DNAJC12: variants seen among roughly 807,000 people sequenced by gnomAD.
The protein encoded by DNAJC12 is DnaJ heat shock protein family (Hsp40) member C12.
In DNAJC12, 25 loss-of-function variants were observed where a neutral mutation model predicts 28.5. That is an observed-to-expected ratio of 0.88 (90% CI 0.64 to 1.22). DNAJC12 has a LOEUF of 1.22. Among genes scored for constraint, DNAJC12 ranks in the 50% most tolerant of loss-of-function variants. The pLI, the probability that DNAJC12 is intolerant of heterozygous loss-of-function variation, is 0.00. For missense variants in DNAJC12, 222 were observed against 231.7 expected, an observed-to-expected ratio of 0.96 and a Z score of 0.27; for synonymous variants, 77 against 80.6, an observed-to-expected ratio of 0.95 and a Z score of 0.24.
intron 1 of DNAJC12, chr10:67,825,650 C>CATTAATTAATGAA: frequency 5.5e-4 from 1 of 1,804 alleles, no homozygotes; most frequent in Non-Finnish European, 7.4e-3. Flanking sequence ...ATTTACTAAC[C>CATTAATTAATGAA]ACTAATTATC....
intron 1 of DNAJC12, chr10:67,834,142 G>T (rs1343483120): frequency 1.5e-5 from 6 of 396,770 alleles, no homozygotes; most frequent in African/African-American, 6.4e-5. Context: ...TGAGTACCAA[G>T]CTTTTATAAT....
intron 4 of DNAJC12, among the ~76,000 whole-genome samples, chr10:67,798,417 C>T (rs1443159629): frequency 6.6e-6 from 1 of 152,060 alleles, no homozygotes; most frequent in Non-Finnish European, 1.5e-5. Context: ...TGGTGGCTCA[C>T]GCTTGTAATC....
At chr10:67,798,317 G>C (rs1274766862) in intron 4 of DNAJC12, among the ~76,000 whole-genome samples, 1 of 151,986 alleles carries the variant, frequency 6.6e-6, no homozygotes, top group Non-Finnish European at 1.5e-5. Context: ...TAACAAAACT[G>C]TTTATATAGT....
intron 4 of DNAJC12, 93 bp downstream of exon 4, chr10:67,805,490 G>A: frequency 7.5e-7 from 1 of 1,327,998 alleles, no homozygotes; most frequent in Non-Finnish European, 1.0e-6. Context: ...TGGCACTGCT[G>A]TGCAGATTGA....
At chr10:67,799,176 G>C (rs922071026) in intron 4 of DNAJC12, among the ~76,000 whole-genome samples, 1 of 151,946 alleles carries the variant, frequency 6.6e-6, no homozygotes, top group Non-Finnish European at 1.5e-5. Flanking sequence ...TGAAAAAGCA[G>C]GTTACAGAAT....
chr10:67,815,522 A>AAG (rs1554884537), intron 2 of DNAJC12, among the ~76,000 whole-genome samples: 3 of 151,010 alleles, frequency 2.0e-5, no homozygotes, highest in Non-Finnish European at 4.4e-5. Context: ...AAAAAAAAAA[A>AAG]AAAAAGAAAA....
chr10:67,828,410 G>T (rs373797361), intron 1 of DNAJC12, among the ~76,000 whole-genome samples: 15 of 152,146 alleles, frequency 9.9e-5, no homozygotes, highest in South Asian at 6.2e-4. Context: ...TACAATCAAA[G>T]TCAGGCTGTA....
At chr10:67,802,361 T>C (rs1841755674) in intron 4 of DNAJC12, among the ~76,000 whole-genome samples, 1 of 152,198 alleles carries the variant, frequency 6.6e-6, no homozygotes, top group African/African-American at 2.4e-5. Flanking sequence ...TACCCAAGAA[T>C]TCTATCACAA....
chr10:67,816,081 G>T (rs962447448), intron 2 of DNAJC12: 5 of 398,330 alleles, frequency 1.3e-5, no homozygotes, highest in African/African-American at 6.2e-5. Context: ...GCTTATAGGA[G>T]CAAATGATGC....
At chr10:67,797,509 A>C (rs1475159938) in intron 4 of DNAJC12, among the ~76,000 whole-genome samples, 2 of 150,898 alleles carry the variant, frequency 1.3e-5, no homozygotes, top group South Asian at 4.2e-4. Flanking sequence ...AAGAAATTTG[A>C]AACAAATTAC....
intron 1 of DNAJC12, among the ~76,000 whole-genome samples, chr10:67,824,394 T>C (rs1842010106): frequency 6.6e-6 from 1 of 152,088 alleles, no homozygotes; most frequent in East Asian, 1.9e-4. Flanking sequence ...TTATCTATTA[T>C]AAAGCTCCTT....
chr10:67,815,130 G>C (rs2131800166), intron 2 of DNAJC12, among the ~76,000 whole-genome samples: 1 of 152,238 alleles, frequency 6.6e-6, no homozygotes, highest in South Asian at 2.1e-4. Context: ...ACAAAATGTG[G>C]TATATCCACC....
At chr10:67,825,177 C>T (rs1417958724) in intron 1 of DNAJC12, 1 of 152,212 alleles carries the variant, frequency 6.6e-6, no homozygotes, top group East Asian at 1.9e-4. Flanking sequence ...ATAATAAGAA[C>T]TCAATAATAG....
intron 1 of DNAJC12, among the ~76,000 whole-genome samples, chr10:67,824,097 A>T (rs35858192): frequency 6.6e-6 from 1 of 151,694 alleles, no homozygotes; most frequent in Non-Finnish European, 1.5e-5. Flanking sequence ...TTAGCCAGAC[A>T]TGGTGGCAGG....
chr10:67,797,964 C>A (rs1480921797), intron 4 of DNAJC12, among the ~76,000 whole-genome samples: 1 of 150,732 alleles, frequency 6.6e-6, no homozygotes, highest in African/African-American at 2.5e-5. Context: ...GGCGTGAACC[C>A]GGCATGCGGA....
intron 2 of DNAJC12, among the ~76,000 whole-genome samples, chr10:67,819,429 G>A (rs1841949372): frequency 6.6e-6 from 1 of 151,434 alleles, no homozygotes; most frequent in Admixed American, 6.6e-5. Flanking sequence ...ACCTGAGGTC[G>A]GGAGATCAAG....
In DNAJC12 at chr10:67,837,947, T is replaced by C; in HGVS notation, c.65A>G (p.Asp22Gly). The change falls in exon 1 of 5, where the codon GAT (aspartate) becomes GGT (glycine). Residue 22 changes from aspartate (D) to glycine (G), a missense_variant. Physicochemically the swap from Asp to Gly is moderately conservative, Grantham distance 94. Transcript: ENST00000225171. Reference sequence around the variant, plus strand: ...CCACTGTCTTACCGAAGATAGTTCATCACATCCCAGTAATGTGTAGTAATC... The same window carrying C: ...CCACTGTCTTACCGAAGATAGTTCACCACATCCCAGTAATGTGTAGTAATC... ...TEDYYTLLGC[D>G]ELSSVEQILA... The C allele has an allele frequency of 6.2e-7, 1 of 1,603,790 alleles. No individual in the cohort carries two copies. The highest frequency in any genetic ancestry group is 8.5e-7 in the Non-Finnish European group (1 of 1,174,070).
chr10:67,810,152 T>C (rs113446926), intron 3 of DNAJC12, among the ~76,000 whole-genome samples: 3,436 of 152,064 alleles, frequency 0.023, 140 homozygotes, highest in African/African-American at 0.078. Context: ...CTTCTCATGG[T>C]GGCAGGAAAG....
At chr10:67,826,617 TATTA>T (rs986468673) in intron 1 of DNAJC12, among the ~76,000 whole-genome samples, 19 of 133,904 alleles carry the variant, frequency 1.4e-4, no homozygotes, top group South Asian at 6.6e-4. Flanking sequence ...TAATGATATA[TATTA>T]TATATATCAT....
Sources: gnomAD v4.1 joint callset for allele counts (sites outside exome capture counted in the v4.1 genomes callset) on GRCh38, gnomAD v4.1.1 for gene constraint, MANE v1.5 for transcripts, NCBI Gene and HGNC (gene_info 2026-07-23, HGNC 2026-07-21) for gene names.